Variants in KCNMB3 observed in about 807,000 individuals in gnomAD.
KCNMB3 encodes the protein potassium calcium-activated channel subfamily M regulatory beta subunit 3.
In KCNMB3, 18 loss-of-function variants were observed where a neutral mutation model predicts 11.9. That is an observed-to-expected ratio of 1.51 (90% confidence interval 1.04 to 2.23). The LOEUF (loss-of-function observed/expected upper bound fraction) is 2.23, where lower values mean the gene tolerates loss of function less well. Among genes scored for constraint, KCNMB3 ranks in the 30% most tolerant of loss-of-function variants. KCNMB3 has a pLI of 0.00. For missense variants in KCNMB3, 247 were observed against 329.4 expected (o/e 0.75, Z 1.94); for synonymous variants, 78 against 119.2 (o/e 0.65, Z 2.25).
intron 1 of KCNMB3, among the ~76,000 whole-genome samples, chr3:179,257,048 T>C (rs1434704317): frequency 6.6e-6 from 1 of 152,074 alleles, no homozygotes; most frequent in Non-Finnish European, 1.5e-5. Context: ...CCTATAGTCC[T>C]AGCTACTCAG....
chr3:179,251,368 A>G, upstream of KCNMB3: 1 of 1,435,314 alleles, frequency 7.0e-7, no homozygotes, highest in South Asian at 1.5e-5. Context: ...CGTCCTGAAC[A>G]GGGTTTGACT....
downstream of KCNMB3, chr3:179,240,171 AAAGC>A (rs1304320693): frequency 5.6e-6 from 4 of 719,352 alleles, no homozygotes; most frequent in Admixed American, 3.2e-5. Flanking sequence ...TTCCTTTTGA[AAAGC>A]AAGCCGGTGT....
chr3:179,250,354 C>G (rs967782695), intron 1 of KCNMB3, among the ~76,000 whole-genome samples: 1 of 152,222 alleles, frequency 6.6e-6, no homozygotes, highest in Non-Finnish European at 1.5e-5. Context: ...CAGGTAGACA[C>G]TGTCAAACTC....
exon 1 of KCNMB3, chr3:179,266,652 C>G: frequency 6.2e-7 from 1 of 1,614,118 alleles, no homozygotes; most frequent in Admixed American, 1.7e-5. Context: ...GACTTACCTC[C>G]CCTGGCGCCT....
Position 179,265,376 on chromosome 3 carries a change from C to T in KCNMB3, c.62+1273G>A, listed in dbSNP as rs1015633707. Among the ~76,000 whole-genome samples the T allele has an allele frequency of 7.9e-5, 12 of 152,132 alleles. 1 individual carries two copies. Among genetic ancestry groups the T allele is most frequent in the Admixed American group, 7.9e-4 (12 of 15,280 alleles). ...TTTAATGTTTTCCAATTCTCAGCTC[C>T]CAACTCCACTAGAGCCAATAATAAA... On this transcript the variant is annotated intron_variant, in intron 1 of 3. Transcript: ENST00000349697.
upstream of KCNMB3, among the ~76,000 whole-genome samples, chr3:179,254,400 A>C (rs79956124): frequency 3.0e-4 from 45 of 152,366 alleles, no homozygotes; most frequent in African/African-American, 1.0e-3. Context: ...GGGTAATACA[A>C]AAATCTCAAG....
chr3:179,261,402 C>T, intron 1 of KCNMB3: 1 of 1,068,230 alleles, frequency 9.4e-7, no homozygotes, highest in Admixed American at 5.4e-5. Flanking sequence ...GCGAAGTGAA[C>T]GCTCGCGCTT....
At chr3:179,258,931 T>C in intron 1 of KCNMB3, 1 of 1,613,384 alleles carries the variant, frequency 6.2e-7, no homozygotes, top group Non-Finnish European at 8.5e-7. Context: ...TCTATGAATT[T>C]AGAACATTCT....
chr3:179,240,045 CT>C, downstream of KCNMB3: 1 of 1,547,154 alleles, frequency 6.5e-7, no homozygotes, highest in Admixed American at 2.0e-5. Flanking sequence ...TTCTTTAACT[CT>C]GCAGTCTGTA....
Position 179,266,959 on chromosome 3 carries a change from C to A in KCNMB3, c.-249G>T, listed in dbSNP as rs1726387569. 4 of 1,285,816 alleles carry A rather than the reference C, an allele frequency of 3.1e-6. No individual in the cohort carries two copies. The East Asian group carries it at 8.8e-5, about 28-fold the overall frequency. The allele number at this position is 1,285,816 out of a possible 1,614,324, so 79.7% of individuals were successfully genotyped here. On this transcript the variant is annotated 5_prime_UTR_variant, in exon 1 of 4. Coordinates refer to the KCNMB3 transcript ENST00000349697. ...GTTCTAGATGATCAAGAAGGACCTGCGTGGTTTGCTGCAGCCGAAGCTGCT... is the reference window on the plus strand; with the variant it reads ...GTTCTAGATGATCAAGAAGGACCTGAGTGGTTTGCTGCAGCCGAAGCTGCT...
chr3:179,249,035 C>G (rs1301951917), intron 1 of KCNMB3, among the ~76,000 whole-genome samples: 1 of 113,470 alleles, frequency 8.8e-6, no homozygotes, highest in East Asian at 2.6e-4. Context: ...TTTTTTGAGA[C>G]AGAGTCTCGC....
chr3:179,261,315 G>A (rs970418151), intron 1 of KCNMB3: 1 of 1,235,072 alleles, frequency 8.1e-7, no homozygotes, highest in Non-Finnish European at 1.0e-6. Flanking sequence ...GAAACGCTCG[G>A]GGACCGTGCC....
intron 2 of KCNMB3, 133 bp downstream of exon 2, chr3:179,244,362 T>C (rs1725563139): frequency 1.5e-6 from 1 of 661,672 alleles, no homozygotes; most frequent in African/African-American, 1.8e-5. Context: ...CCTGATTTGA[T>C]CACTATAAAA....
At chr3:179,247,447 G>C (rs1445252609) in intron 1 of KCNMB3, among the ~76,000 whole-genome samples, 1 of 151,962 alleles carries the variant, frequency 6.6e-6, no homozygotes, top group Non-Finnish European at 1.5e-5. Context: ...AATCGCTTGA[G>C]CCTAGGAGTT....
chr3:179,255,310 T>C (rs1725978235), upstream of KCNMB3, among the ~76,000 whole-genome samples: 1 of 150,624 alleles, frequency 6.6e-6, no homozygotes, highest in African/African-American at 2.4e-5. Context: ...GAATATAAAA[T>C]ACACATCTGT....
downstream of KCNMB3, chr3:179,240,584 G>C (rs1021750885): frequency 5.3e-5 from 8 of 152,232 alleles, no homozygotes; most frequent in African/African-American, 1.9e-4. Context: ...TAACAACTTA[G>C]TATTTCTGAG....
At chr3:179,263,054 A>G (rs1280809196) in intron 1 of KCNMB3, among the ~76,000 whole-genome samples, 2 of 152,104 alleles carry the variant, frequency 1.3e-5, no homozygotes, top group African/African-American at 2.4e-5. Flanking sequence ...GTGTGCCCGC[A>G]CTCCTCAGAC....
chr3:179,259,231 T>G, intron 1 of KCNMB3: 3 of 1,537,842 alleles, frequency 2.0e-6, no homozygotes, highest in South Asian at 1.3e-5. Flanking sequence ...CAGGCATCAC[T>G]AATGTCCTGT....
At chr3:179,256,499 T>C (rs1726016719), upstream of KCNMB3, among the ~76,000 whole-genome samples, 1 of 152,106 alleles carries the variant, frequency 6.6e-6, no homozygotes, top group East Asian at 1.9e-4. Context: ...ATTACTATTA[T>C]GTCTTGTGGG....
Sources: allele counts gnomAD v4.1 joint callset (sites outside exome capture counted in the v4.1 genomes callset), GRCh38; gene constraint gnomAD v4.1.1; transcripts MANE v1.5; gene names NCBI Gene and HGNC (gene_info 2026-07-23, HGNC 2026-07-21).